The following RNF150 variants were observed in gnomAD, a reference collection of about 807,000 sequenced individuals.
RNF150 encodes ring finger protein 150.
RNF150 carries 24 observed loss-of-function variants against 39.3 expected under a neutral mutation model. That is an observed-to-expected ratio of 0.61 (90% CI 0.44 to 0.86). The LOEUF is 0.86. Ranked by LOEUF, RNF150 falls within the 40% of genes least tolerant of loss-of-function variation. The pLI is 0.00. For missense variants in RNF150, 502 were observed against 587.8 expected (o/e 0.85, Z 1.51); for synonymous variants, 255 against 227.3 (o/e 1.12, Z -1.10).
intron 6 of RNF150, among the ~76,000 whole-genome samples, chr4:140,895,481 T>C (rs1024986281): frequency 6.6e-6 from 1 of 152,174 alleles, no homozygotes; most frequent in African/African-American, 2.4e-5. Context: ...GTTCCATATG[T>C]TCCATAACTG....
At chr4:140,898,661 T>C (rs555804812) in intron 6 of RNF150, among the ~76,000 whole-genome samples, 4 of 152,378 alleles carry the variant, frequency 2.6e-5, no homozygotes, top group Admixed American at 2.0e-4. Flanking sequence ...TGTATGCAAG[T>C]ATTTATGTAT....
chr4:141,057,121 T>A (rs925890404), intron 1 of RNF150, among the ~76,000 whole-genome samples: 1 of 152,096 alleles, frequency 6.6e-6, no homozygotes, highest in Non-Finnish European at 1.5e-5. Context: ...TAAACTGGTG[T>A]ACCATCAGGC....
chr4:140,956,974 C>T (rs1732782120), intron 2 of RNF150, among the ~76,000 whole-genome samples: 1 of 150,132 alleles, frequency 6.7e-6, no homozygotes, highest in Admixed American at 6.6e-5. Flanking sequence ...CTAGGCATTA[C>T]CATTCAGGAC....
chr4:141,105,841 A>G (rs917315452), intron 1 of RNF150, among the ~76,000 whole-genome samples: 22 of 152,190 alleles, frequency 1.4e-4, no homozygotes, highest in Non-Finnish European at 7.3e-5. Context: ...CATAAAACCA[A>G]TGTTTCCTAT....
chr4:140,968,661 C>T (rs1006325874), intron 1 of RNF150, among the ~76,000 whole-genome samples: 12 of 151,666 alleles, frequency 7.9e-5, no homozygotes, highest in South Asian at 2.1e-4. Context: ...ACTCCCACCA[C>T]GGCTGCTCCA....
chr4:141,177,385 C>G (rs1402459152), intron 1 of RNF150, among the ~76,000 whole-genome samples: 1 of 152,182 alleles, frequency 6.6e-6, no homozygotes, highest in African/African-American at 2.4e-5. Flanking sequence ...CAGAATTACA[C>G]ATTAGGTACA....
chr4:140,948,606 T>TA (rs34835798), intron 3 of RNF150, among the ~76,000 whole-genome samples: 2 of 151,834 alleles, frequency 1.3e-5, no homozygotes, highest in Non-Finnish European at 2.9e-5. Context: ...GTTTTGATTT[T>TA]AAAAAAAAAT....
rs909497312 is a variant in RNF150, at chr4:140,969,135, C to G, written c.485-1262G>C. Among the ~76,000 whole-genome samples, 12 of 152,104 alleles carry G rather than the reference C, an allele frequency of 7.9e-5. 1 individual carries two copies. On this transcript the variant is annotated intron_variant, in intron 1 of 6. Transcript: ENST00000515673. ...CAGGTTACATTTGCTCAGGCTGTTG[C>G]AAGTTTCTTAGAATATTACTTAGGG... is the stretch of plus-strand genomic sequence containing the variant.
chr4:140,996,361 G>T (rs1734376725), intron 1 of RNF150, among the ~76,000 whole-genome samples: 1 of 152,046 alleles, frequency 6.6e-6, no homozygotes, highest in South Asian at 2.1e-4. Flanking sequence ...TGAGCTCCTT[G>T]TACATTGTTT....
intron 1 of RNF150, among the ~76,000 whole-genome samples, chr4:141,014,296 TGAACATA>T (rs1319421468): frequency 4.6e-5 from 7 of 152,246 alleles, no homozygotes; most frequent in Non-Finnish European, 7.3e-5. Context: ...AAGGCTGCGA[TGAACATA>T]GGAGTGCAGA....
chr4:140,865,640 G>A lies in RNF150; in HGVS notation c.*2621C>T, dbSNP rs1728676596. Reference sequence around the variant, plus strand: ...TAAGTAGTGAATGGCAAAGGCTCAGGGGGTTTGCAGCAGGACCTCCTTGGG... The same window carrying A: ...TAAGTAGTGAATGGCAAAGGCTCAGAGGGTTTGCAGCAGGACCTCCTTGGG... On this transcript the variant is annotated 3_prime_UTR_variant, in exon 7 of 7. Coordinates refer to ENST00000515673, the MANE Select transcript of RNF150 (RefSeq NM_020724.2). 6.6e-6 allele frequency: 1 copy of A among 152,206 alleles called. No homozygotes were observed. Among genetic ancestry groups the A allele is most frequent in the African/African-American group, 2.4e-5 (1 of 41,280 alleles). 9.4% of individuals were successfully genotyped at this position (152,206 alleles called of 1,614,324 possible).
intron 2 of RNF150, among the ~76,000 whole-genome samples, chr4:140,959,844 G>A (rs1732944113): frequency 6.6e-6 from 1 of 152,080 alleles, no homozygotes; most frequent in Non-Finnish European, 1.5e-5. Context: ...TATGATTGCG[G>A]GAGAGAGGCT....
chr4:141,060,230 CAGG>C (rs989534757), intron 1 of RNF150, among the ~76,000 whole-genome samples: 1 of 152,142 alleles, frequency 6.6e-6, no homozygotes, highest in Non-Finnish European at 1.5e-5. Flanking sequence ...TGTTTGAGCC[CAGG>C]AGTTCAAGAC....
intron 6 of RNF150, among the ~76,000 whole-genome samples, chr4:140,904,390 G>A (rs1313029042): frequency 1.3e-5 from 2 of 152,200 alleles, no homozygotes; most frequent in Non-Finnish European, 2.9e-5. Context: ...ACAAATCAAA[G>A]CAATCATCTT....
At chr4:140,955,300 G>A (rs868714712) in intron 2 of RNF150, among the ~76,000 whole-genome samples, 1 of 152,174 alleles carries the variant, frequency 6.6e-6, no homozygotes, top group Non-Finnish European at 1.5e-5. Flanking sequence ...AAATCTGTTT[G>A]TGAGCACACA....
At chr4:140,878,685 A>G (rs1245247074) in intron 6 of RNF150, among the ~76,000 whole-genome samples, 1 of 151,904 alleles carries the variant, frequency 6.6e-6, no homozygotes, top group Non-Finnish European at 1.5e-5. Context: ...GTTTGCAAAT[A>G]TTTTCTCTCA....
In RNF150 at chr4:140,879,362, A is replaced by T. The variant is rs768444935; in HGVS notation, c.1199-10983T>A. On this transcript the variant is annotated intron_variant, in intron 6 of 6. Coordinates refer to ENST00000515673, the MANE Select transcript of RNF150 (RefSeq NM_020724.2). Reference sequence around the variant, plus strand: ...TAACAACATTGTCTTCCAATCCGTGAACATGTGATATCTTTCCATTTATTT... The same window carrying T: ...TAACAACATTGTCTTCCAATCCGTGTACATGTGATATCTTTCCATTTATTT... 2.0e-5 allele frequency among the ~76,000 whole-genome samples: 3 copies of T among 152,336 alleles called. No homozygotes were observed. In the South Asian group the frequency reaches 6.2e-4, roughly 32 times the overall value.
Position 140,998,760 on chromosome 4 carries a change from G to A in RNF150, c.485-30887C>T, listed in dbSNP as rs1170424454. Among the ~76,000 whole-genome samples, 3 of 152,280 alleles carry A rather than the reference G, an allele frequency of 2.0e-5. No homozygotes were observed. In the East Asian group the frequency reaches 5.8e-4, roughly 29 times the overall value. ...GCAAAGCCATTCCTGACTGCAACCT[G>A]CACCATCATGTGAACTCTGCAGGAT... On this transcript the variant is annotated intron_variant, in intron 1 of 6. Transcript: ENST00000515673.
At position 140,862,507 on chromosome 4, in the gene RNF150, C is replaced by T. The variant is rs960629330; in HGVS notation, c.*5754G>A. 6.6e-6 allele frequency: 1 copy of T among 152,116 alleles called. No homozygotes were observed. 9.4% of individuals were successfully genotyped at this position (152,116 alleles called of 1,614,324 possible). A position where few individuals can be genotyped will look rare whatever the true frequency, so the allele number is the denominator to read the frequency against. ...GGGCCACGTCTAGCATCTGGACTTG[C>T]TTCATTAGTTCTGGGATGATAACTT... On this transcript the variant is annotated 3_prime_UTR_variant, in exon 7 of 7. Transcript: ENST00000515673.
Sources: allele counts gnomAD v4.1 joint callset (sites outside exome capture counted in the v4.1 genomes callset), GRCh38; gene constraint gnomAD v4.1.1; transcripts MANE v1.5; gene names NCBI Gene and HGNC (gene_info 2026-07-23, HGNC 2026-07-21).